KIF21B: variants seen among roughly 807,000 people sequenced by gnomAD.
The protein encoded by KIF21B is kinesin-like protein KIF21B.
In KIF21B, 85 loss-of-function variants were observed where a neutral mutation model predicts 192.9. The observed-to-expected ratio is 0.44, with a 90% CI of 0.37 to 0.53. The LOEUF (loss-of-function observed/expected upper bound fraction) is 0.53, where lower values mean the gene tolerates loss of function less well. Ranked by LOEUF, KIF21B falls within the 20% of genes least tolerant of loss-of-function variation. The pLI, the probability that KIF21B is intolerant of heterozygous loss-of-function variation, is 0.00. For synonymous variants in KIF21B, 832 were observed against 884.6 expected (o/e 0.94, Z 1.05); for missense variants, 1,716 against 2,194.8 (o/e 0.78, Z 4.36).
intron 29 of KIF21B, among the ~76,000 whole-genome samples, chr1:200,980,716 G>A (rs1409767557): frequency 6.6e-6 from 1 of 152,238 alleles, no homozygotes; most frequent in African/African-American, 2.4e-5. Context: ...AAGTTTCCCT[G>A]GAAGGTCTGG....
Position 201,005,746 on chromosome 1 carries a change from G to A in KIF21B, c.448-52C>T, listed in dbSNP as rs374182374. On this transcript the variant is annotated intron_variant, in intron 3 of 34. Coordinates refer to ENST00000461742, the MANE Select transcript of KIF21B (RefSeq NM_001252102.2). ...CATAGGGCATTCACTGGGGCCCCAG[G>A]TGGCTGCCACATGCCTATAAACCAT... The A allele has an allele frequency of 5.5e-5, 87 of 1,583,952 alleles. No individual in the cohort carries two copies. In the African/African-American group the frequency reaches 1.2e-3, roughly 21 times the overall value.
At position 201,008,903 on chromosome 1, in the gene KIF21B, T is replaced by A; in HGVS notation, c.313A>T (p.Thr105Ser). The stretch of plus-strand genomic sequence containing the variant: ...ATGATGCCCTGCTCCTCCTCCGACG[T>A]TGCCATGTCAAAGCCAGTGCCCATG... ...YTMGTGFDMA[T>S]SEEEQGIIPR... Residue 105 changes from threonine to serine, a missense_variant, in exon 3 of 35, where the codon ACG becomes TCG. Thr to Ser is a moderately conservative substitution (Grantham distance 58). This residue lies in a region of KIF21B where 1,087 missense variants were observed against 1,316.6 expected (regional missense o/e 0.83). Transcript: ENST00000461742. 6.2e-7 allele frequency: 1 copy of A among 1,611,900 alleles called. No individual in the cohort carries two copies. The highest frequency in any genetic ancestry group is 8.5e-7 in the Non-Finnish European group (1 of 1,179,980).
intron 26 of KIF21B, among the ~76,000 whole-genome samples, chr1:200,985,787 C>CTCCCG (rs1656251044): frequency 1.1e-5 from 1 of 89,814 alleles, no homozygotes; most frequent in African/African-American, 5.2e-5. Context: ...CCCCTTCCCC[C>CTCCCG]TCCCCTCCCC....
At position 200,999,891 on chromosome 1, in the gene KIF21B, C is replaced by CCTCGTTCTCATCCGT; in HGVS notation, c.1744_1758dup (p.Thr582_Glu586dup). On this transcript the variant is annotated inframe_insertion, in exon 12 of 35. Coordinates refer to ENST00000461742, the MANE Select transcript of KIF21B (RefSeq NM_001252102.2). This position sits in a 1 kb window ranked among gnomAD's most constrained non-coding sequence, Gnocchi z 4.7. ...CGGCCCGTGCTCCTCACCTCCTCCG[C>CCTCGTTCTCATCCGT]CTCGTTCTCATCCGTCTCCTCGCTG... 6.2e-7 allele frequency: 1 copy of CCTCGTTCTCATCCGT among 1,613,796 alleles called. No individual in the cohort carries two copies. Among genetic ancestry groups the CCTCGTTCTCATCCGT allele is most frequent in the Non-Finnish European group, 8.5e-7 (1 of 1,180,020 alleles).
At chr1:200,983,033 C>G (rs1656046516) in intron 28 of KIF21B, 23 bp downstream of exon 28, 1 of 1,535,296 alleles carries the variant, frequency 6.5e-7, no homozygotes, top group African/African-American at 1.4e-5. Context: ...GGGAACCAAA[C>G]ACGAGAGACA....
Position 200,987,036 on chromosome 1 carries a change from C to T in KIF21B, c.3574G>A (p.Val1192Ile), listed in dbSNP as rs746551783. ...GTAGGCAGACTGACGGTGCGCGAGA[C>T]CCTGTCCCGGTAATAGGGGTCTCGG... Reference protein sequence around the residue: ...SVRDPYYRDRVSRTVSLPTRG... With the variant: ...SVRDPYYRDRISRTVSLPTRG... The change falls in exon 25 of 35, where the codon GTC becomes ATC. Residue 1192 changes from valine (V) to isoleucine (I), a missense_variant. Around this residue, in one of 3 missense-constraint regions of KIF21B, gnomAD observed 580 missense variants for 775.5 expected, o/e 0.75. Coordinates refer to ENST00000461742, the MANE Select transcript of KIF21B (RefSeq NM_001252102.2). 1.9e-6 allele frequency: 3 copies of T among 1,614,118 alleles called. No homozygotes were observed. Among genetic ancestry groups the T allele is most frequent in the Non-Finnish European group, 1.7e-6 (2 of 1,180,030 alleles).
chr1:200,980,701 T>C (rs1655854172), intron 29 of KIF21B, among the ~76,000 whole-genome samples: 1 of 152,194 alleles, frequency 6.6e-6, no homozygotes, highest in Admixed American at 6.5e-5. Context: ...CCAAGAAGCT[T>C]CCTGAAGTTT....
chr1:201,005,134 AT>A (rs1657732394), intron 5 of KIF21B, among the ~76,000 whole-genome samples, 173 bp downstream of exon 5: 1 of 152,290 alleles, frequency 6.6e-6, no homozygotes, highest in Non-Finnish European at 1.5e-5. Flanking sequence ...TACAGAGATC[AT>A]TAAGCCATTT....
rs779616811 is a variant in KIF21B, at chr1:200,984,956, A to G, written c.3706T>C (p.Phe1236Leu). 2 of 1,606,746 alleles carry G rather than the reference A, an allele frequency of 1.2e-6. No individual in the cohort carries two copies. ...GQPIRSTDVG[F>L]TPPSSPPTRP... ...GTGGGAGGGGATGATGGGGGTGTGAATCCCACATCTGTGGACCTGGTGAGT... is the reference window on the plus strand; with the variant it reads ...GTGGGAGGGGATGATGGGGGTGTGAGTCCCACATCTGTGGACCTGGTGAGT... Residue 1236 changes from phenylalanine to leucine, a missense_variant, in exon 27 of 35, where the codon TTC (phenylalanine) becomes CTC (leucine). Physicochemically the swap from Phe to Leu is conservative, Grantham distance 22. Around this residue, in one of 3 missense-constraint regions of KIF21B, gnomAD observed 580 missense variants for 775.5 expected, o/e 0.75. Coordinates refer to ENST00000461742, the MANE Select transcript of KIF21B (RefSeq NM_001252102.2).
Position 200,975,037 on chromosome 1 carries a change from G to A in KIF21B, c.4615-124C>T, listed in dbSNP as rs748159641. 37 of 938,060 alleles carry A rather than the reference G, an allele frequency of 3.9e-5. 1 individual carries two copies. The highest frequency in any genetic ancestry group is 5.0e-5 in the Non-Finnish European group (31 of 619,910). The allele number at this position is 938,060 out of a possible 1,614,324, so 58.1% of individuals were successfully genotyped here. ...CCCCTGGCCTCTAGAGCTGCCACAC[G>A]GGCGGGTGACACTGGTTCCAGGAGC... On this transcript the variant is annotated intron_variant, in intron 33 of 34. Transcript: ENST00000461742. This position sits in a 1 kb window ranked among gnomAD's most constrained non-coding sequence, Gnocchi z 4.3.
At chr1:201,002,046 G>A (rs1310889621) in intron 9 of KIF21B, 115 bp downstream of exon 9, 1 of 870,108 alleles carries the variant, frequency 1.1e-6, no homozygotes, top group Non-Finnish European at 1.8e-6. Context: ...GCATAAATGA[G>A]TTGAACTATG....
chr1:200,973,466 A>C lies in KIF21B; in HGVS notation c.*55T>G. The C allele has an allele frequency of 7.2e-7, 1 of 1,395,830 alleles. No individual in the cohort carries two copies. The highest frequency in any genetic ancestry group is 1.6e-5 in the South Asian group (1 of 60,918). The allele number at this position is 1,395,830 out of a possible 1,614,324, so 86.5% of individuals were successfully genotyped here. On this transcript the variant is annotated 3_prime_UTR_variant, in exon 35 of 35. Transcript: ENST00000461742. ...TCGGCCGGGTCACAGCTTCCCTTCC[A>C]TGGTGTCCAGGCTGCTGGGGTCGAG... is the stretch of plus-strand genomic sequence containing the variant.
intron 15 of KIF21B, among the ~76,000 whole-genome samples, chr1:200,993,418 CATCA>C (rs1424828758): frequency 6.6e-6 from 1 of 152,186 alleles, no homozygotes; most frequent in Non-Finnish European, 1.5e-5. Context: ...CCAGGAATGT[CATCA>C]ACCTGTCCTG....
rs1314921136 is a variant in KIF21B, at chr1:201,004,406, A to G, written c.950T>C (p.Val317Ala). 6.3e-7 allele frequency: 1 copy of G among 1,582,298 alleles called. No homozygotes were observed. Among genetic ancestry groups the G allele is most frequent in the Non-Finnish European group, 8.6e-7 (1 of 1,163,458 alleles). The change falls in exon 7 of 35, where the codon GTG (valine) becomes GCG (alanine). Residue 317 changes from valine to alanine, a missense_variant. Val to Ala is a moderately conservative substitution (Grantham distance 64). Coordinates refer to ENST00000461742, the MANE Select transcript of KIF21B (RefSeq NM_001252102.2). ...ISALGDQSKK[V>A]VHVPYRDSKL... ...GGAGTCCCTGTAGGGAACGTGCACC[A>G]CCTTCTTGCTCTGGTCCCCTAAGGC...
chr1:200,974,770 G>A lies in KIF21B; in HGVS notation c.4758C>T (p.His1586=), dbSNP rs762069629. 23 of 1,614,088 alleles carry A rather than the reference G, an allele frequency of 1.4e-5. No individual in the cohort carries two copies. The highest frequency in any genetic ancestry group is 1.2e-4 in the Admixed American group (7 of 60,004). The change falls in exon 34 of 35, where the codon CAC becomes CAT. Residue 1586 remains histidine, a synonymous_variant. Transcript: ENST00000461742. ...TGCAGATGGCATTGATGGGACTGTC[G>A]TGGCCCTTGATCTCACCGATGGGTG... is the stretch of plus-strand genomic sequence containing the variant. ...NFTPIGEIKG[H]DSPINAICTN... is the part of the protein sequence containing the mutation.
chr1:201,007,604 AC>A (rs1173904316), intron 3 of KIF21B, among the ~76,000 whole-genome samples: 31 of 151,742 alleles, frequency 2.0e-4, no homozygotes, highest in Middle Eastern at 3.4e-3. Context: ...AGAGACACAC[AC>A]AGAGATACAC....
intron 7 of KIF21B, 141 bp from the exon 8 acceptor site, chr1:201,003,922 T>C (rs1435431184): frequency 2.4e-6 from 2 of 830,884 alleles, no homozygotes; most frequent in Admixed American, 2.2e-5. Flanking sequence ...GGACAGAACC[T>C]GGGATGTGGG....
chr1:200,982,741 C>T lies in KIF21B; in HGVS notation c.3842+315G>A, dbSNP rs367692034. Among the ~76,000 whole-genome samples the T allele has an allele frequency of 7.2e-4, 110 of 152,276 alleles. No homozygotes were observed. The highest frequency in any genetic ancestry group is 2.3e-3 in the African/African-American group (96 of 41,554). Reference sequence around the variant, plus strand: ...GAGAACTCAGCCCCAGCCCAGCATCCCCTAGGCCTCCATGCTGCGCCCCTC... The same window carrying T: ...GAGAACTCAGCCCCAGCCCAGCATCTCCTAGGCCTCCATGCTGCGCCCCTC... On this transcript the variant is annotated intron_variant, in intron 28 of 34. Coordinates refer to ENST00000461742, the MANE Select transcript of KIF21B (RefSeq NM_001252102.2). This position sits in a 1 kb window ranked among gnomAD's most constrained non-coding sequence, Gnocchi z 4.7.
intron 9 of KIF21B, chr1:201,001,865 T>C (rs894866110): frequency 9.1e-6 from 4 of 439,736 alleles, no homozygotes; most frequent in African/African-American, 5.9e-5. Flanking sequence ...AAGCTGCTCA[T>C]AGAGGTTCCT....
Sources: allele counts gnomAD v4.1 joint callset (sites outside exome capture counted in the v4.1 genomes callset), GRCh38; gene constraint gnomAD v4.1.1; regional missense constraint gnomAD v4.1.1; non-coding constraint Gnocchi (gnomAD v3.1); transcripts MANE v1.5; gene names NCBI Gene and HGNC (gene_info 2026-07-23, HGNC 2026-07-21).